DAB2IP: variants seen among roughly 807,000 people sequenced by gnomAD.
DAB2IP encodes disabled homolog 2-interacting protein.
Under a neutral mutation model 107.2 loss-of-function variants are expected in DAB2IP, and 28 were observed. The observed-to-expected ratio is 0.26, with a 90% confidence interval of 0.19 to 0.36. The LOEUF is 0.36. Among genes scored for constraint, DAB2IP ranks in the 10% least tolerant of loss-of-function variants. DAB2IP has a pLI of 1.00. For synonymous variants in DAB2IP, 755 were observed against 706.4 expected, an observed-to-expected ratio of 1.07 and a Z score of -1.09; for missense variants, 1,400 against 1,644.7, an observed-to-expected ratio of 0.85 and a Z score of 2.57.
intron 3 of DAB2IP, among the ~76,000 whole-genome samples, chr9:121,756,165 G>C (rs1833462823): frequency 6.6e-6 from 1 of 152,194 alleles, no homozygotes; most frequent in Non-Finnish European, 1.5e-5. Context: ...GCTGACTTTG[G>C]AGAGACTTTA....
chr9:121,779,826 A>G (rs545452755), intron 14 of DAB2IP, among the ~76,000 whole-genome samples: 2 of 152,322 alleles, frequency 1.3e-5, no homozygotes, highest in African/African-American at 2.4e-5. Flanking sequence ...CTCGGGAGCT[A>G]TGTGGAGTTT....
At chr9:121,658,307 A>G (rs1270776623) in intron 1 of DAB2IP, among the ~76,000 whole-genome samples, 1 of 152,228 alleles carries the variant, frequency 6.6e-6, no homozygotes. Context: ...CCTGGTCAGG[A>G]ACATTCAGAG....
chr9:121,591,714 G>C lies in DAB2IP; in HGVS notation c.40+24486G>C, dbSNP rs141324695. Among the ~76,000 whole-genome samples, 230 of 152,362 alleles carry C rather than the reference G, an allele frequency of 1.5e-3. 2 individuals carry two copies. The highest frequency in any genetic ancestry group is 5.1e-3 in the African/African-American group (214 of 41,584). The stretch of plus-strand genomic sequence containing the variant: ...AGCGAAGTCCAGGCAAGAGACCACA[G>C]TGTCTGCACTGGGCTGGAGATAAAC... On this transcript the variant is annotated intron_variant, in intron 1 of 16. Coordinates refer to the DAB2IP transcript ENST00000259371.
intron 3 of DAB2IP, among the ~76,000 whole-genome samples, chr9:121,748,459 C>T (rs1832871287): frequency 6.6e-6 from 1 of 152,214 alleles, no homozygotes; most frequent in Non-Finnish European, 1.5e-5. Context: ...CTCTAAGCCT[C>T]AGTTTCCTCT....
chr9:121,761,264 A>G (rs1030404134), intron 6 of DAB2IP, among the ~76,000 whole-genome samples: 6 of 152,226 alleles, frequency 3.9e-5, no homozygotes, highest in African/African-American at 1.4e-4. Flanking sequence ...CCATTCAGGA[A>G]GCTGGCCAAA....
rs1414811001 is a variant in DAB2IP, at chr9:121,736,037, C to T, written c.363-20976C>T. ...CGGGTGCTTTCCAGAAGAGAAAACC[C>T]GGGACTGCTGCCTGGGAACCCAGTG... On this transcript the variant is annotated intron_variant, in intron 3 of 15. Coordinates refer to ENST00000408936, the Ensembl canonical transcript of DAB2IP. This position sits in a 1 kb window ranked among gnomAD's most constrained non-coding sequence, Gnocchi z 4.6. 2.0e-5 allele frequency among the ~76,000 whole-genome samples: 3 copies of T among 152,206 alleles called. No individual in the cohort carries two copies. The highest frequency in any genetic ancestry group is 4.1e-4 in the South Asian group (2 of 4,832).
At chr9:121,612,088 G>A (rs376026496) in intron 1 of DAB2IP, among the ~76,000 whole-genome samples, 15 of 152,044 alleles carry the variant, frequency 9.9e-5, no homozygotes, top group African/African-American at 3.6e-4. Flanking sequence ...GTAGTTCTGG[G>A]TAGGGGAAGA....
At chr9:121,716,926 G>T (rs994653760) in intron 3 of DAB2IP, among the ~76,000 whole-genome samples, 3 of 152,196 alleles carry the variant, frequency 2.0e-5, no homozygotes, top group Non-Finnish European at 4.4e-5. Context: ...AGCCTCTAAT[G>T]ATGAGTAGTG....
At chr9:121,714,656 G>C (rs949685497) in intron 3 of DAB2IP, among the ~76,000 whole-genome samples, 3 of 152,246 alleles carry the variant, frequency 2.0e-5, no homozygotes, top group African/African-American at 7.2e-5. Flanking sequence ...GCTAAGCTGA[G>C]GGATGTAATG....
chr9:121,699,301 C>G lies in DAB2IP; in HGVS notation c.229-24C>G, dbSNP rs1485732377. The G allele has an allele frequency of 1.4e-6, 2 of 1,401,896 alleles. No homozygotes were observed. The highest frequency in any genetic ancestry group is 3.4e-5 in the East Asian group (1 of 29,664). The allele number at this position is 1,401,896 out of a possible 1,614,324, so 86.8% of individuals were successfully genotyped here. A position where few individuals can be genotyped will look rare whatever the true frequency, so the allele number is the denominator to read the frequency against. Reference sequence around the variant, plus strand: ...GCCGCGCTAACCCCGCCTCCCCTTCCCCCTCTTGTCCCCCCGTGCGCAGGG... The same window carrying G: ...GCCGCGCTAACCCCGCCTCCCCTTCGCCCTCTTGTCCCCCCGTGCGCAGGG... On this transcript the variant is annotated intron_variant, in intron 2 of 15. Coordinates refer to ENST00000408936, the Ensembl canonical transcript of DAB2IP. The surrounding 1 kb of genome is among the most constrained non-coding windows in gnomAD (Gnocchi z 6.2).
chr9:121,647,623 C>T (rs1832582244), upstream of DAB2IP, among the ~76,000 whole-genome samples: 2 of 152,100 alleles, frequency 1.3e-5, no homozygotes, highest in Admixed American at 6.5e-5. Context: ...CACAAGTAGC[C>T]TCCTGTGTCC....
chr9:121,676,305 G>T (rs551404812), intron 1 of DAB2IP, among the ~76,000 whole-genome samples: 1 of 152,236 alleles, frequency 6.6e-6, no homozygotes, highest in Admixed American at 6.5e-5. Context: ...CTTCTGGAAA[G>T]CCTGCTCCTT....
At chr9:121,775,068 C>T (rs1387040868) in intron 13 of DAB2IP, among the ~76,000 whole-genome samples, 4 of 152,222 alleles carry the variant, frequency 2.6e-5, no homozygotes, top group Non-Finnish European at 5.9e-5. Context: ...GGGGATGCTT[C>T]GTTGGTCTCC....
Position 121,711,073 on chromosome 9 carries a change from G to T in DAB2IP, c.362+11615G>T, listed in dbSNP as rs765194040. On this transcript the variant is annotated intron_variant, in intron 3 of 15. Coordinates refer to ENST00000408936, the Ensembl canonical transcript of DAB2IP. Reference sequence around the variant, plus strand: ...GAGAGTTTCAGAATTAAGGAAAAATGGAGCTGGCAGAGAACTTAGTCTTAG... The same window carrying T: ...GAGAGTTTCAGAATTAAGGAAAAATTGAGCTGGCAGAGAACTTAGTCTTAG... 2.6e-5 allele frequency among the ~76,000 whole-genome samples: 4 copies of T among 152,326 alleles called. No homozygotes were observed. The South Asian group carries it at 8.3e-4, about 32-fold the overall frequency.
intron 2 of DAB2IP, among the ~76,000 whole-genome samples, chr9:121,688,548 C>T (rs1158085692): frequency 6.6e-6 from 1 of 152,202 alleles, no homozygotes; most frequent in Non-Finnish European, 1.5e-5. Flanking sequence ...CCATCTCTCT[C>T]TGTCTCCAGA....
chr9:121,761,412 G>T (rs1255109401), intron 6 of DAB2IP, among the ~76,000 whole-genome samples: 1 of 152,224 alleles, frequency 6.6e-6, no homozygotes, highest in Non-Finnish European at 1.5e-5. Flanking sequence ...GGCACCCTGT[G>T]TCAAGGTCCT....
chr9:121,744,454 T>C (rs1020851801), intron 3 of DAB2IP, among the ~76,000 whole-genome samples: 1 of 152,232 alleles, frequency 6.6e-6, no homozygotes, highest in African/African-American at 2.4e-5. Flanking sequence ...CAAGTCTCAG[T>C]GCAGGTTGGT....
intron 2 of DAB2IP, among the ~76,000 whole-genome samples, chr9:121,687,851 A>C (rs1460425721): frequency 1.3e-5 from 2 of 152,188 alleles, no homozygotes; most frequent in African/African-American, 4.8e-5. Flanking sequence ...CATAGCATGC[A>C]GCCCAGTCTT....
chr9:121,589,851 T>A (rs1321048164), intron 1 of DAB2IP, among the ~76,000 whole-genome samples: 2 of 152,018 alleles, frequency 1.3e-5, no homozygotes, highest in Non-Finnish European at 2.9e-5. Flanking sequence ...CAGCTCCCGA[T>A]GTAGGGTAGG....
Sources: allele counts gnomAD v4.1 joint callset (sites outside exome capture counted in the v4.1 genomes callset), GRCh38; gene constraint gnomAD v4.1.1; non-coding constraint Gnocchi (gnomAD v3.1); transcripts MANE v1.5; gene names NCBI Gene and HGNC (gene_info 2026-07-23, HGNC 2026-07-21).